CCS: variants seen among roughly 807,000 people sequenced by gnomAD.
CCS encodes superoxide dismutase copper chaperone.
A neutral mutation model predicts 35.5 loss-of-function variants in CCS; 32 were observed. The observed-to-expected ratio is 0.90, with a 90% CI of 0.68 to 1.21. The LOEUF is 1.21. Among genes scored for constraint, CCS ranks in the 50% most tolerant of loss-of-function variants. CCS has a pLI of 0.00. For missense variants in CCS, 342 were observed against 375.4 expected, an observed-to-expected ratio of 0.91 and a Z score of 0.73; for synonymous variants, 130 against 147.2, an observed-to-expected ratio of 0.88 and a Z score of 0.84.
chr11:66,599,648 G>C lies in CCS; in HGVS notation c.428+12G>C. ...AACAACTGCAACAGGTGAGTTGTCTGAAGTCTCCCCAGTAGCATTCTCAGC... is the reference window on the plus strand; with the variant it reads ...AACAACTGCAACAGGTGAGTTGTCTCAAGTCTCCCCAGTAGCATTCTCAGC... On this transcript the variant is annotated intron_variant, in intron 4 of 7. Coordinates refer to ENST00000533244, the MANE Select transcript of CCS (RefSeq NM_005125.2). 6.2e-7 allele frequency: 1 copy of C among 1,610,542 alleles called. No homozygotes were observed. Among genetic ancestry groups the C allele is most frequent in the Non-Finnish European group, 8.5e-7 (1 of 1,178,534 alleles).
In CCS at chr11:66,605,783, C is replaced by G; in HGVS notation, c.753C>G (p.Ile251Met). The change falls in exon 8 of 8, where the codon ATC (isoleucine) becomes ATG (methionine). Residue 251 changes from isoleucine to methionine, a missense_variant. Transcript: ENST00000533244. ...KQICSCDGLTIWEERGRPIAG... is the reference protein window; with the variant it reads ...KQICSCDGLTMWEERGRPIAG... ...TCTGCTCTTGCGATGGCCTCACCATCTGGGAGGAGCGAGGCCGGCCCATCG... is the reference window on the plus strand; with the variant it reads ...TCTGCTCTTGCGATGGCCTCACCATGTGGGAGGAGCGAGGCCGGCCCATCG... 6.2e-7 allele frequency: 1 copy of G among 1,607,382 alleles called. No individual in the cohort carries two copies. Among genetic ancestry groups the G allele is most frequent in the Non-Finnish European group, 8.5e-7 (1 of 1,176,450 alleles).
At chr11:66,604,096 G>A (rs1462047301) in intron 5 of CCS, among the ~76,000 whole-genome samples, 1 of 151,876 alleles carries the variant, frequency 6.6e-6, no homozygotes, top group African/African-American at 2.4e-5. Context: ...CAGGCGTAGT[G>A]GCGCGTGCCT....
intron 5 of CCS, among the ~76,000 whole-genome samples, chr11:66,604,732 T>C (rs1235991715): frequency 6.6e-6 from 1 of 152,200 alleles, no homozygotes; most frequent in Non-Finnish European, 1.5e-5. Flanking sequence ...AGGTGTGTTA[T>C]GACAATTTTT....
Position 66,604,047 on chromosome 11 carries a change from TA to T in CCS, c.490-1289del, listed in dbSNP as rs1565062395. 6.1e-3 allele frequency among the ~76,000 whole-genome samples: 915 copies of T among 150,264 alleles called. 4 individuals carry two copies. Among genetic ancestry groups the T allele is most frequent in the South Asian group, 0.022 (103 of 4,700 alleles). Reference sequence around the variant, plus strand: ...CTGTCTCAATAAATAAATAAATAAATAAATAAATTAATTAATTAAAAGAAAT... The same window carrying T: ...CTGTCTCAATAAATAAATAAATAAATAATAAATTAATTAATTAAAAGAAAT... On this transcript the variant is annotated intron_variant, in intron 5 of 7. Transcript: ENST00000533244.
At chr11:66,599,068 G>A (rs781482866) in intron 2 of CCS, 48 bp from the exon 3 acceptor site, 1 of 1,612,664 alleles carries the variant, frequency 6.2e-7, no homozygotes. Context: ...CCTGCTGCCA[G>A]CACTGGGTGC....
At chr11:66,604,136 A>G (rs1463130490) in intron 5 of CCS, among the ~76,000 whole-genome samples, 2 of 152,050 alleles carry the variant, frequency 1.3e-5, no homozygotes, top group Non-Finnish European at 2.9e-5. Context: ...AGGCTGAGGC[A>G]GGAGAATTGC....
Position 66,600,395 on chromosome 11 carries a change from G to A in CCS, c.429-94G>A. On this transcript the variant is annotated intron_variant, in intron 4 of 7. Coordinates refer to ENST00000533244, the MANE Select transcript of CCS (RefSeq NM_005125.2). ...AGGCCTGTTTGTTGAATGAATGAAT[G>A]AATGAATGAATGAAGCAAATATAAA... 7 of 742,078 alleles carry A rather than the reference G, an allele frequency of 9.4e-6. 1 individual carries two copies. In the South Asian group the frequency reaches 1.7e-4, roughly 18 times the overall value. 46.0% of individuals were successfully genotyped at this position (742,078 alleles called of 1,614,324 possible).
chr11:66,594,940 C>T (rs548919142), intron 2 of CCS, among the ~76,000 whole-genome samples: 15 of 152,206 alleles, frequency 9.9e-5, no homozygotes, highest in African/African-American at 2.6e-4. Context: ...CAGAATGCTT[C>T]GTGGAAAGAG....
chr11:66,605,498 G>A lies in CCS; in HGVS notation c.577G>A (p.Val193Met). 6.2e-7 allele frequency: 1 copy of A among 1,614,046 alleles called. No homozygotes were observed. The highest frequency in any genetic ancestry group is 2.2e-5 in the East Asian group (1 of 44,876). Residue 193 changes from valine (V) to methionine (M), a missense_variant, in exon 7 of 8, where the codon GTG (valine) becomes ATG (methionine). Val to Met is a conservative substitution (Grantham distance 21). Coordinates refer to ENST00000533244, the MANE Select transcript of CCS (RefSeq NM_005125.2). Reference protein sequence around the residue: ...MEDEQLKVWDVIGRSLIIDEG... With the variant: ...MEDEQLKVWDMIGRSLIIDEG... ...TCGTCTCCCCTCAAAGGTGTGGGATGTGATTGGCCGCAGCCTGATTATTGA... is the reference window on the plus strand; with the variant it reads ...TCGTCTCCCCTCAAAGGTGTGGGATATGATTGGCCGCAGCCTGATTATTGA...
chr11:66,597,274 C>T (rs1352291376), intron 2 of CCS, among the ~76,000 whole-genome samples: 2 of 151,806 alleles, frequency 1.3e-5, no homozygotes, highest in South Asian at 2.1e-4. Flanking sequence ...CTGGCTAACA[C>T]GGTGAAACCC....
At chr11:66,604,342 A>G (rs1052112942) in intron 5 of CCS, among the ~76,000 whole-genome samples, 4 of 152,192 alleles carry the variant, frequency 2.6e-5, no homozygotes, top group African/African-American at 9.7e-5. Flanking sequence ...AAAAAGTACC[A>G]GGTGCAGGCA....
chr11:66,601,186 A>G (rs1858566743), intron 5 of CCS, among the ~76,000 whole-genome samples: 1 of 152,098 alleles, frequency 6.6e-6, no homozygotes, highest in East Asian at 1.9e-4. Flanking sequence ...TCCGCCTCCC[A>G]AGTTCAAACG....
intron 1 of CCS, 107 bp downstream of exon 1, chr11:66,593,407 C>T (rs2134976383): frequency 1.6e-6 from 2 of 1,249,052 alleles, no homozygotes; most frequent in Non-Finnish European, 1.1e-6. Flanking sequence ...GGGTTGGGGC[C>T]TGGGGCCATG....
chr11:66,604,421 C>G (rs1490406367), intron 5 of CCS, among the ~76,000 whole-genome samples: 1 of 152,194 alleles, frequency 6.6e-6, no homozygotes, highest in Non-Finnish European at 1.5e-5. Flanking sequence ...GTTGGTGGCA[C>G]AGTGAGATGC....
At chr11:66,594,012 C>T (rs907529803) in intron 2 of CCS, among the ~76,000 whole-genome samples, 3 of 152,144 alleles carry the variant, frequency 2.0e-5, no homozygotes, top group Admixed American at 6.5e-5. Flanking sequence ...GCTTGGGAAA[C>T]AACATAATCT....
rs759691599 is a variant in CCS, at chr11:66,599,486, T to TG, written c.285dup (p.Pro96AlafsTer16). 2.1e-5 allele frequency: 32 copies of TG among 1,547,332 alleles called. No individual in the cohort carries two copies. Among genetic ancestry groups the TG allele is most frequent in the South Asian group, 2.5e-5 (2 of 81,530 alleles). ...AATCTGGGGGCAGCAGTGGCCATCC[T>TG]GGGGGGGCCTGGCACCGTGCAGGGG... On this transcript the variant is annotated frameshift_variant, in exon 4 of 8. Transcript: ENST00000533244. LOFTEE classifies it high-confidence loss of function.
chr11:66,599,743 G>T, intron 4 of CCS, 107 bp downstream of exon 4: 2 of 1,035,152 alleles, frequency 1.9e-6, no homozygotes, highest in South Asian at 3.0e-5. Flanking sequence ...ACCTCCAGAT[G>T]AGGAAACTGA....
Position 66,605,408 on chromosome 11 carries a change from C to A in CCS, c.559C>A (p.Gln187Lys). The A allele has an allele frequency of 6.2e-7, 1 of 1,614,182 alleles. No homozygotes were observed. Among genetic ancestry groups the A allele is most frequent in the South Asian group, 1.1e-5 (1 of 91,080 alleles). The change falls in exon 6 of 8, where the codon CAG becomes AAG. Residue 187 changes from glutamine to lysine, a missense_variant. Coordinates refer to ENST00000533244, the MANE Select transcript of CCS (RefSeq NM_005125.2). The stretch of plus-strand genomic sequence containing the variant: ...CGCCATCTTCAGAATGGAGGATGAG[C>A]AGCTGAAGGTAAGGTGGAAAAGAAG... ...GRAIFRMEDE[Q>K]LKVWDVIGRS...
chr11:66,593,787 A>G, intron 2 of CCS, 73 bp downstream of exon 2: 1 of 1,353,032 alleles, frequency 7.4e-7, no homozygotes, highest in Middle Eastern at 1.8e-4. Flanking sequence ...CTATTAGGCG[A>G]ACCCTACTCC....
Sources: allele counts gnomAD v4.1 joint callset (sites outside exome capture counted in the v4.1 genomes callset), GRCh38; gene constraint gnomAD v4.1.1; transcripts MANE v1.5; gene names NCBI Gene and HGNC (gene_info 2026-07-23, HGNC 2026-07-21).